Variants in GDAP1 observed in about 807,000 individuals in gnomAD.
GDAP1 encodes ganglioside induced differentiation associated protein 1, also known as ganglioside-induced differentiation-associated protein 1.
A neutral mutation model predicts 40.1 loss-of-function variants in GDAP1; 34 were observed. That is an observed-to-expected ratio of 0.85 (90% CI 0.64 to 1.13). GDAP1 has a LOEUF of 1.13. Ranked by LOEUF, GDAP1 falls within the 50% of genes most tolerant of loss-of-function variation. The probability of loss-of-function intolerance (pLI) is 0.00; values close to 1 mark genes in which losing one functional copy is unlikely to be tolerated. For missense variants in GDAP1, 374 were observed against 433.7 expected, an observed-to-expected ratio of 0.86 and a Z score of 1.22; for synonymous variants, 170 against 157.4, an observed-to-expected ratio of 1.08 and a Z score of -0.60.
chr8:74,437,094 G>A (rs1563469764), intron 2 of GDAP1, among the ~76,000 whole-genome samples: 1 of 152,178 alleles, frequency 6.6e-6, no homozygotes, highest in Non-Finnish European at 1.5e-5. Flanking sequence ...ACTGAACAGT[G>A]TAAGAAGTCA....
At chr8:74,421,032 A>G (rs1805850955) in intron 2 of GDAP1, among the ~76,000 whole-genome samples, 1 of 151,946 alleles carries the variant, frequency 6.6e-6, no homozygotes, top group Non-Finnish European at 1.5e-5. Flanking sequence ...GAGATAGATG[A>G]TACATAGATA....
At chr8:74,376,808 A>G (rs1204725735) in intron 2 of GDAP1, 1 of 152,214 alleles carries the variant, frequency 6.6e-6, no homozygotes, top group East Asian at 1.9e-4. Flanking sequence ...AAAGGAAGAC[A>G]AGAAATCTAT....
intron 2 of GDAP1, among the ~76,000 whole-genome samples, chr8:74,464,977 T>C (rs990411066): frequency 3.3e-5 from 5 of 152,134 alleles, no homozygotes; most frequent in African/African-American, 1.2e-4. Context: ...CCTAGCACTT[T>C]GGGAGGCCAA....
At chr8:74,434,566 C>G (rs1009646564) in intron 2 of GDAP1, among the ~76,000 whole-genome samples, 1 of 152,172 alleles carries the variant, frequency 6.6e-6, no homozygotes, top group Non-Finnish European at 1.5e-5. Flanking sequence ...GCTCTAGGAA[C>G]AGACAAAGTA....
downstream of GDAP1, chr8:74,366,937 ATCATG>A (rs1809665006): frequency 2.8e-6 from 1 of 362,014 alleles, no homozygotes; most frequent in African/African-American, 2.1e-5. Context: ...AAATCAAAGC[ATCATG>A]TGGTAGTTAA....
At chr8:74,362,167 CA>C (rs527810029) in intron 4 of GDAP1, among the ~76,000 whole-genome samples, 189 bp downstream of exon 4, 221 of 152,214 alleles carry the variant, frequency 1.5e-3, no homozygotes, top group African/African-American at 5.1e-3. Flanking sequence ...AACTTGATGA[CA>C]AGTGCTTAAC....
At chr8:74,399,177 C>T (rs1810270242) in intron 2 of GDAP1, among the ~76,000 whole-genome samples, 1 of 151,874 alleles carries the variant, frequency 6.6e-6, no homozygotes, top group South Asian at 2.1e-4. Flanking sequence ...TCCATCTGGT[C>T]CTGGACTCTT....
chr8:74,370,169 G>A (rs190057006), downstream of GDAP1, among the ~76,000 whole-genome samples: 17 of 152,256 alleles, frequency 1.1e-4, no homozygotes, highest in Non-Finnish European at 2.5e-4. Flanking sequence ...GGCAAATAAT[G>A]GGTACATATA....
At chr8:74,448,460 G>C (rs983310256) in intron 2 of GDAP1, among the ~76,000 whole-genome samples, 1 of 151,812 alleles carries the variant, frequency 6.6e-6, no homozygotes, top group African/African-American at 2.4e-5. Context: ...TTCTTTTTTT[G>C]GACATGTATT....
At chr8:74,375,848 A>G (rs919318118) in intron 2 of GDAP1, among the ~76,000 whole-genome samples, 2 of 152,240 alleles carry the variant, frequency 1.3e-5, no homozygotes, top group Admixed American at 6.5e-5. Context: ...AATTGTTTCT[A>G]TTTGTAATTG....
chr8:74,416,379 C>T (rs1026500685), intron 2 of GDAP1, among the ~76,000 whole-genome samples: 3 of 150,054 alleles, frequency 2.0e-5, no homozygotes, highest in Middle Eastern at 6.3e-3. Context: ...GGCTGGAGGC[C>T]AATAAACACA....
chr8:74,455,003 G>C (rs1806318164), intron 2 of GDAP1, among the ~76,000 whole-genome samples: 1 of 151,938 alleles, frequency 6.6e-6, no homozygotes, highest in Non-Finnish European at 1.5e-5. Flanking sequence ...ATCTCCAAGA[G>C]AGTGGTTCCA....
Position 74,432,646 on chromosome 8 carries a change from C to T in GDAP1, c.166-56032C>T, listed in dbSNP as rs576950039. On this transcript the variant is annotated intron_variant, in intron 2 of 2. Coordinates refer to the GDAP1 transcript ENST00000523640. Reference sequence around the variant, plus strand: ...TGTGCTTCCATGAATGGCTGCATCTCATCTGGACTGGGATTCCATCAGCGC... The same window carrying T: ...TGTGCTTCCATGAATGGCTGCATCTTATCTGGACTGGGATTCCATCAGCGC... Among the ~76,000 whole-genome samples the T allele has an allele frequency of 1.1e-3, 164 of 152,118 alleles. 5 individuals carry two copies. The highest frequency in any genetic ancestry group is 4.3e-4 in the Non-Finnish European group (29 of 68,010).
chr8:74,437,077 G>C (rs1259845410), intron 2 of GDAP1, among the ~76,000 whole-genome samples: 1 of 152,164 alleles, frequency 6.6e-6, no homozygotes, highest in Non-Finnish European at 1.5e-5. Flanking sequence ...AAACACAGAG[G>C]TGAACAACTG....
intron 2 of GDAP1, among the ~76,000 whole-genome samples, chr8:74,447,228 A>G (rs1806240355): frequency 1.3e-5 from 2 of 152,176 alleles, no homozygotes; most frequent in Non-Finnish European, 2.9e-5. Flanking sequence ...TGTGTCTTCC[A>G]ATTAATGTCG....
chr8:74,390,042 G>A (rs1033886456), intron 2 of GDAP1, among the ~76,000 whole-genome samples: 1 of 152,166 alleles, frequency 6.6e-6, no homozygotes, highest in Non-Finnish European at 1.5e-5. Flanking sequence ...TGTCATTTAT[G>A]TTCTTCTCTA....
chr8:74,467,532 C>A (rs1806485436), intron 2 of GDAP1, among the ~76,000 whole-genome samples: 1 of 152,074 alleles, frequency 6.6e-6, no homozygotes, highest in African/African-American at 2.4e-5. Flanking sequence ...ATATGAGAGG[C>A]AAGAGTCAAT....
chr8:74,399,152 G>C (rs1317539039), intron 2 of GDAP1, among the ~76,000 whole-genome samples: 2 of 152,054 alleles, frequency 1.3e-5, no homozygotes, highest in Non-Finnish European at 2.9e-5. Flanking sequence ...ACCTCTGGTT[G>C]AATTCGGCTG....
chr8:74,434,141 A>G (rs1806060267), intron 2 of GDAP1, among the ~76,000 whole-genome samples: 2 of 152,210 alleles, frequency 1.3e-5, no homozygotes, highest in Admixed American at 6.5e-5. Context: ...GCCAGTTGGT[A>G]TGAAGTGATG....
Sources: allele counts gnomAD v4.1 joint callset (sites outside exome capture counted in the v4.1 genomes callset), GRCh38; gene constraint gnomAD v4.1.1; transcripts MANE v1.5; gene names NCBI Gene and HGNC (gene_info 2026-07-23, HGNC 2026-07-21).